MACROD2: variants seen among roughly 807,000 people sequenced by gnomAD.
The protein encoded by MACROD2 is ADP-ribose glycohydrolase MACROD2.
MACROD2 carries 36 observed loss-of-function variants against 70.4 expected under a neutral mutation model. The observed-to-expected ratio is 0.51, with a 90% CI of 0.39 to 0.68. The LOEUF is 0.68. Ranked by LOEUF, MACROD2 falls within the 30% of genes least tolerant of loss-of-function variation. The pLI is 0.00. For missense variants in MACROD2, 496 were observed against 538.4 expected, an observed-to-expected ratio of 0.92 and a Z score of 0.78; for synonymous variants, 172 against 178.8, an observed-to-expected ratio of 0.96 and a Z score of 0.30.
intron 4 of MACROD2, among the ~76,000 whole-genome samples, chr20:14,594,179 A>G (rs929728560): frequency 6.6e-6 from 1 of 151,832 alleles, no homozygotes; most frequent in African/African-American, 2.4e-5. Context: ...CTTTTCCTCT[A>G]CCCTCTTCAA....
At chr20:14,684,648 AC>A (rs11467642) in intron 4 of MACROD2, among the ~76,000 whole-genome samples, 194 bp from the exon 5 acceptor site, 1,581 of 134,432 alleles carry the variant, frequency 0.012, 11 homozygotes, top group African/African-American at 0.021. Flanking sequence ...ACATAACCTC[AC>A]CCCCCCCCCC....
At chr20:16,015,835 T>A (rs2066921355) in intron 15 of MACROD2, among the ~76,000 whole-genome samples, 1 of 152,206 alleles carries the variant, frequency 6.6e-6, no homozygotes, top group Admixed American at 6.5e-5. Context: ...ATTTTTAACT[T>A]TTCTTTGGAG....
intron 3 of MACROD2, among the ~76,000 whole-genome samples, chr20:14,102,654 C>T (rs2054316148): frequency 6.6e-6 from 1 of 152,160 alleles, no homozygotes. Flanking sequence ...CCAGAAATTG[C>T]TGGAAATTGT....
At chr20:15,917,134 A>G (rs1433658602) in intron 10 of MACROD2, among the ~76,000 whole-genome samples, 3 of 152,124 alleles carry the variant, frequency 2.0e-5, no homozygotes, top group East Asian at 1.9e-4. Context: ...TATTTTAGAT[A>G]TGCTTTTCCA....
At chr20:14,594,030 C>G (rs1225226713) in intron 4 of MACROD2, among the ~76,000 whole-genome samples, 4 of 152,120 alleles carry the variant, frequency 2.6e-5, no homozygotes, top group Non-Finnish European at 5.9e-5. Context: ...CTAAGACTCT[C>G]AAACAGATAA....
At chr20:14,428,636 T>C (rs2083961800) in intron 3 of MACROD2, among the ~76,000 whole-genome samples, 1 of 152,088 alleles carries the variant, frequency 6.6e-6, no homozygotes, top group Non-Finnish European at 1.5e-5. Flanking sequence ...GGCAATAGAG[T>C]TGATTTGCAG....
At chr20:14,234,217 T>G (rs1018827733) in intron 3 of MACROD2, among the ~76,000 whole-genome samples, 10 of 151,986 alleles carry the variant, frequency 6.6e-5, no homozygotes, top group Non-Finnish European at 5.9e-5. Context: ...CTACTAAAAA[T>G]AAAAGCAATA....
chr20:15,354,607 C>T (rs192825615), intron 6 of MACROD2, among the ~76,000 whole-genome samples: 1 of 152,074 alleles, frequency 6.6e-6, no homozygotes, highest in Non-Finnish European at 1.5e-5. Context: ...TATCTATCGG[C>T]CCAGTAATCC....
At chr20:16,005,410 C>T (rs2066774362) in intron 15 of MACROD2, among the ~76,000 whole-genome samples, 1 of 152,162 alleles carries the variant, frequency 6.6e-6, no homozygotes, top group Non-Finnish European at 1.5e-5. Context: ...TGAATCAACA[C>T]CTGGGGCATT....
intron 3 of MACROD2, among the ~76,000 whole-genome samples, chr20:14,333,478 G>T (rs759984076): frequency 5.3e-5 from 8 of 152,144 alleles, no homozygotes; most frequent in Non-Finnish European, 8.8e-5. Flanking sequence ...GTAAGAACGA[G>T]TAAGATATTA....
At chr20:14,775,268 A>C (rs1761540870) in intron 5 of MACROD2, among the ~76,000 whole-genome samples, 6 of 152,076 alleles carry the variant, frequency 3.9e-5, no homozygotes, top group Admixed American at 3.9e-4. Context: ...TGGCTGTATT[A>C]GTCCATTTGT....
At chr20:15,518,969 A>G (rs987672099) in intron 8 of MACROD2, among the ~76,000 whole-genome samples, 2 of 152,242 alleles carry the variant, frequency 1.3e-5, no homozygotes, top group Non-Finnish European at 2.9e-5. Flanking sequence ...GTAAGAGTTA[A>G]CATTTACTAT....
chr20:14,338,967 A>G (rs1182378784), intron 3 of MACROD2, among the ~76,000 whole-genome samples: 2 of 152,136 alleles, frequency 1.3e-5, no homozygotes, highest in Non-Finnish European at 2.9e-5. Context: ...GTCTTAAACT[A>G]ATATCTTTAT....
intron 5 of MACROD2, among the ~76,000 whole-genome samples, chr20:14,772,486 A>G (rs1392138876): frequency 6.6e-6 from 1 of 152,072 alleles, no homozygotes; most frequent in Non-Finnish European, 1.5e-5. Context: ...GCAGGCAAAG[A>G]GAGAGCTTGT....
At chr20:15,797,260 T>C (rs999688082) in intron 8 of MACROD2, among the ~76,000 whole-genome samples, 13 of 152,082 alleles carry the variant, frequency 8.5e-5, no homozygotes, top group South Asian at 2.1e-4. Flanking sequence ...ACTACAGGCC[T>C]CCGCTACCAC....
chr20:15,179,960 G>A (rs2076488950), intron 5 of MACROD2, among the ~76,000 whole-genome samples: 1 of 152,122 alleles, frequency 6.6e-6, no homozygotes, highest in Non-Finnish European at 1.5e-5. Flanking sequence ...TGAAAGTGTT[G>A]GCAGGTTTGG....
intron 11 of MACROD2, 111 bp from the exon 12 acceptor site, chr20:15,937,365 C>A: frequency 2.2e-6 from 2 of 908,662 alleles, no homozygotes; most frequent in Non-Finnish European, 3.6e-6. Context: ...AAGCATGCGG[C>A]AGGCTCATGC....
intron 3 of MACROD2, among the ~76,000 whole-genome samples, chr20:14,471,213 A>G (rs1310379232): frequency 2.0e-5 from 3 of 152,040 alleles, no homozygotes; most frequent in Non-Finnish European, 4.4e-5. Flanking sequence ...GGATGAGGCA[A>G]CGCTCCACCC....
chr20:14,899,685 G>A (rs1037108474), intron 5 of MACROD2, among the ~76,000 whole-genome samples: 1 of 152,152 alleles, frequency 6.6e-6, no homozygotes, highest in African/African-American at 2.4e-5. Flanking sequence ...AAGTACCGGT[G>A]TTGGAGTTTC....
Sources: allele counts gnomAD v4.1 joint callset (sites outside exome capture counted in the v4.1 genomes callset), GRCh38; gene constraint gnomAD v4.1.1; transcripts MANE v1.5; gene names NCBI Gene and HGNC (gene_info 2026-07-23, HGNC 2026-07-21).